ADAMTS19: variants seen among roughly 807,000 people sequenced by gnomAD.
ADAMTS19 encodes the protein A disintegrin and metalloproteinase with thrombospondin motifs 19.
In ADAMTS19, 93 loss-of-function variants were observed where a neutral mutation model predicts 153.3. The ratio of observed to expected loss-of-function variants is 0.61; its 90% CI spans 0.51 to 0.72. The LOEUF is 0.72. ADAMTS19 is among the 30% of genes least tolerant of loss of function. ADAMTS19 has a pLI of 0.00. For missense variants in ADAMTS19, 1,482 were observed against 1,552.1 expected (o/e 0.95, Z 0.76); for synonymous variants, 600 against 556.6 (o/e 1.08, Z -1.10).
intron 8 of ADAMTS19, among the ~76,000 whole-genome samples, chr5:129,607,876 C>T (rs866787994): frequency 2.7e-4 from 41 of 150,932 alleles, no homozygotes; most frequent in South Asian, 2.1e-4. Context: ...ATGAAAACAA[C>T]CTGCATCTGT....
intron 2 of ADAMTS19, among the ~76,000 whole-genome samples, chr5:129,462,169 C>A (rs1561525593): frequency 6.6e-6 from 1 of 152,210 alleles, no homozygotes; most frequent in Non-Finnish European, 1.5e-5. Context: ...GCCGCACTCT[C>A]AGTTCCTCAT....
intron 3 of ADAMTS19, among the ~76,000 whole-genome samples, chr5:129,523,718 TCA>T (rs1215738613): frequency 6.6e-6 from 1 of 151,994 alleles, no homozygotes; most frequent in South Asian, 2.1e-4. Flanking sequence ...ACCACTGGGA[TCA>T]GACTATAGAG....
rs144552445 is a variant in ADAMTS19 at position 129,522,117 on chromosome 5, G to A, written c.914-4167G>A. 2.1e-3 allele frequency among the ~76,000 whole-genome samples: 317 copies of A among 151,114 alleles called. 1 individual carries two copies. Among genetic ancestry groups the A allele is most frequent in the African/African-American group, 7.3e-3 (302 of 41,154 alleles). The stretch of plus-strand genomic sequence containing the variant: ...CACTTGTCACAGTTGGTGAATATGT[G>A]CTGGATAATACTCAGATTCTCATTT... On this transcript the variant is annotated intron_variant, in intron 3 of 22. Coordinates refer to ENST00000274487, the MANE Select transcript of ADAMTS19 (RefSeq NM_133638.6).
intron 16 of ADAMTS19, among the ~76,000 whole-genome samples, chr5:129,677,958 G>A (rs540351964): frequency 3.9e-5 from 6 of 152,012 alleles, no homozygotes; most frequent in East Asian, 3.9e-4. Flanking sequence ...GACTGCAGGC[G>A]GGCACCACCA....
At chr5:129,643,383 A>AAAAAAAAAAAAAAG (rs1561622465) in intron 11 of ADAMTS19, among the ~76,000 whole-genome samples, 2 of 108,340 alleles carry the variant, frequency 1.8e-5, no homozygotes, top group African/African-American at 3.7e-5. Flanking sequence ...AAAAAAAAAA[A>AAAAAAAAAAAAAAG]AAAGAAAAAA....
At chr5:129,718,309 T>C (rs1292158832) in intron 21 of ADAMTS19, among the ~76,000 whole-genome samples, 1 of 152,122 alleles carries the variant, frequency 6.6e-6, no homozygotes, top group Non-Finnish European at 1.5e-5. Flanking sequence ...TGTAAACATT[T>C]TCATTAAAGA....
At chr5:129,517,413 C>T (rs1032843206) in intron 3 of ADAMTS19, among the ~76,000 whole-genome samples, 1 of 151,828 alleles carries the variant, frequency 6.6e-6, no homozygotes, top group African/African-American at 2.4e-5. Flanking sequence ...GTATTGTGGC[C>T]TATTCTCTCT....
intron 17 of ADAMTS19, 108 bp from the exon 18 acceptor site, chr5:129,684,012 G>T: frequency 8.2e-7 from 1 of 1,219,900 alleles, no homozygotes; most frequent in Non-Finnish European, 1.1e-6. Context: ...ACAACAAAAT[G>T]CACACAACAC....
chr5:129,589,680 A>G (rs1162211469), intron 7 of ADAMTS19, among the ~76,000 whole-genome samples: 2 of 152,086 alleles, frequency 1.3e-5, no homozygotes, highest in African/African-American at 2.4e-5. Flanking sequence ...TCTTTATGTT[A>G]AAAAAGTATT....
At chr5:129,707,469 A>G (rs962053547) in intron 21 of ADAMTS19, among the ~76,000 whole-genome samples, 4 of 152,342 alleles carry the variant, frequency 2.6e-5, no homozygotes, top group Admixed American at 6.5e-5. Context: ...AGTGTGCACA[A>G]ATTAAAACCA....
At chr5:129,578,619 G>T (rs907602883) in intron 7 of ADAMTS19, among the ~76,000 whole-genome samples, 2 of 151,708 alleles carry the variant, frequency 1.3e-5, no homozygotes, top group Admixed American at 6.6e-5. Context: ...GAAGGCCCTG[G>T]TATGTAATGT....
chr5:129,720,175 T>TATATATA (rs1184615168), intron 21 of ADAMTS19, among the ~76,000 whole-genome samples: 11 of 116,542 alleles, frequency 9.4e-5, no homozygotes, highest in African/African-American at 5.9e-4. Context: ...TATATATTTA[T>TATATATA]TTTTTTTTTT....
chr5:129,612,550 G>T (rs1255795270), intron 8 of ADAMTS19, among the ~76,000 whole-genome samples: 12 of 152,070 alleles, frequency 7.9e-5, no homozygotes, highest in African/African-American at 2.7e-4. Flanking sequence ...ACTAAACATG[G>T]AAAGGAACAG....
intron 4 of ADAMTS19, 41 bp from the exon 5 acceptor site, chr5:129,527,707 T>A (rs777985268): frequency 1.2e-5 from 15 of 1,215,422 alleles, no homozygotes; most frequent in Middle Eastern, 2.7e-4. Flanking sequence ...TAAGATGATT[T>A]TCAGTTTAAT....
At chr5:129,592,151 A>G (rs1750165749) in intron 7 of ADAMTS19, among the ~76,000 whole-genome samples, 3 of 152,020 alleles carry the variant, frequency 2.0e-5, no homozygotes, top group Admixed American at 2.0e-4. Context: ...TCTGAGGTGG[A>G]TGGATCACTT....
At chr5:129,519,648 GA>G (rs60640527) in intron 3 of ADAMTS19, among the ~76,000 whole-genome samples, 53,666 of 144,578 alleles carry the variant, frequency 0.37, 10,778 homozygotes, top group Non-Finnish European at 0.47. Flanking sequence ...CATTTTATAG[GA>G]AAAAAAAAAA....
intron 3 of ADAMTS19, among the ~76,000 whole-genome samples, chr5:129,516,917 C>T (rs1385295748): frequency 7.3e-6 from 1 of 136,828 alleles, no homozygotes; most frequent in Non-Finnish European, 1.6e-5. Flanking sequence ...GATGTAGGCA[C>T]TTATAAACTT....
At chr5:129,611,582 A>G (rs937840610) in intron 8 of ADAMTS19, among the ~76,000 whole-genome samples, 1 of 152,150 alleles carries the variant, frequency 6.6e-6, no homozygotes, top group Non-Finnish European at 1.5e-5. Flanking sequence ...CAGATTTGTC[A>G]AAGATCAGAT....
intron 21 of ADAMTS19, among the ~76,000 whole-genome samples, chr5:129,733,305 TGG>T (rs1332283782): frequency 7.2e-5 from 11 of 151,988 alleles, no homozygotes; most frequent in African/African-American, 2.7e-4. Flanking sequence ...AAGGCACAAA[TGG>T]GACTTAAGTA....
Sources: allele counts gnomAD v4.1 joint callset (sites outside exome capture counted in the v4.1 genomes callset), GRCh38; gene constraint gnomAD v4.1.1; transcripts MANE v1.5; gene names NCBI Gene and HGNC (gene_info 2026-07-23, HGNC 2026-07-21).